The following ARHGAP31 variants were observed in gnomAD, a reference collection of about 807,000 sequenced individuals.
The protein encoded by ARHGAP31 is rho GTPase-activating protein 31.
ARHGAP31 carries 34 observed loss-of-function variants against 113.9 expected under a neutral mutation model. The ratio of observed to expected loss-of-function variants is 0.30; its 90% CI spans 0.23 to 0.40. ARHGAP31 has a LOEUF of 0.40. Ranked by LOEUF, ARHGAP31 falls within the 10% of genes least tolerant of loss-of-function variation. The probability of loss-of-function intolerance (pLI) is 1.00; values close to 1 mark genes in which losing one functional copy is unlikely to be tolerated. For synonymous variants in ARHGAP31, 650 were observed against 684.8 expected, an observed-to-expected ratio of 0.95 and a Z score of 0.79; for missense variants, 1,548 against 1,767.1, an observed-to-expected ratio of 0.88 and a Z score of 2.22.
At chr3:119,375,688 A>G (rs985857523) in intron 3 of ARHGAP31, among the ~76,000 whole-genome samples, 1 of 152,228 alleles carries the variant, frequency 6.6e-6, no homozygotes, top group African/African-American at 2.4e-5. Flanking sequence ...AGCTAAAACT[A>G]TTACACCCAA....
chr3:119,408,923 CATAATT>C (rs1292402685), intron 10 of ARHGAP31, among the ~76,000 whole-genome samples: 20 of 152,118 alleles, frequency 1.3e-4, no homozygotes, highest in Non-Finnish European at 2.9e-5. Flanking sequence ...AGCTGTTAAT[CATAATT>C]ATAAGAAGCA....
chr3:119,332,633 T>TCACACACA (rs1430812568), intron 1 of ARHGAP31, among the ~76,000 whole-genome samples: 1 of 61,548 alleles, frequency 1.6e-5, no homozygotes, highest in Non-Finnish European at 3.6e-5. Context: ...TCTCTCTCTC[T>TCACACACA]CTCACACACA....
intron 5 of ARHGAP31, 82 bp downstream of exon 5, chr3:119,382,481 A>T: frequency 2.2e-6 from 3 of 1,346,794 alleles, no homozygotes; most frequent in Non-Finnish European, 3.1e-6. Context: ...GATTCTTCAA[A>T]TTGAAGCCCC....
chr3:119,387,520 G>A (rs1408775138), intron 6 of ARHGAP31, among the ~76,000 whole-genome samples: 1 of 152,038 alleles, frequency 6.6e-6, no homozygotes, highest in African/African-American at 2.4e-5. Flanking sequence ...TCTTGCCTCG[G>A]TGCCTGGGTG....
chr3:119,360,178 TC>T (rs2080193607), intron 1 of ARHGAP31, among the ~76,000 whole-genome samples: 1 of 152,210 alleles, frequency 6.6e-6, no homozygotes, highest in Non-Finnish European at 1.5e-5. Flanking sequence ...TAGTCTGGCT[TC>T]TATCACCCAG....
rs202118332 is a variant in ARHGAP31 at position 119,383,220 on chromosome 3, A to C, written c.676A>C (p.Asn226His). Residue 226 changes from asparagine (N) to histidine (H), a missense_variant, in exon 6 of 12, where the codon AAT becomes CAT. Asn to His is a moderately conservative substitution (Grantham distance 68). Coordinates refer to ENST00000264245, the MANE Select transcript of ARHGAP31 (RefSeq NM_020754.4). Reference protein sequence around the residue: ...FNNGAPGSLENDENRPIMKSL... With the variant: ...FNNGAPGSLEHDENRPIMKSL... Reference sequence around the variant, plus strand: ...CAACGGTGCACCTGGGTCTCTGGAGAATGATGGTAAGGACTCCTCCTAGCA... The same window carrying C: ...CAACGGTGCACCTGGGTCTCTGGAGCATGATGGTAAGGACTCCTCCTAGCA... 1.2e-6 allele frequency: 2 copies of C among 1,614,100 alleles called. No homozygotes were observed. The highest frequency in any genetic ancestry group is 1.1e-5 in the South Asian group (1 of 91,074).
At position 119,396,221 on chromosome 3, in the gene ARHGAP31, C is replaced by T. The variant is rs78898427; in HGVS notation, c.1006+2630C>T. Reference sequence around the variant, plus strand: ...AACTCACAGGCCAGGGCTTCTCACACCTGGACCTCAGAATCGCCCACAGAG... The same window carrying T: ...AACTCACAGGCCAGGGCTTCTCACATCTGGACCTCAGAATCGCCCACAGAG... On this transcript the variant is annotated intron_variant, in intron 8 of 11. Coordinates refer to ENST00000264245, the MANE Select transcript of ARHGAP31 (RefSeq NM_020754.4). Among the ~76,000 whole-genome samples the T allele has an allele frequency of 2.2e-3, 330 of 152,344 alleles. 5 individuals are homozygous for T. The highest frequency in any genetic ancestry group is 5.2e-3 in the Admixed American group (79 of 15,312).
At chr3:119,408,920 A>T (rs1362610379) in intron 10 of ARHGAP31, among the ~76,000 whole-genome samples, 1 of 152,190 alleles carries the variant, frequency 6.6e-6, no homozygotes, top group Non-Finnish European at 1.5e-5. Context: ...GGAAGCTGTT[A>T]ATCATAATTA....
intron 9 of ARHGAP31, 69 bp from the exon 10 acceptor site, chr3:119,401,753 C>A: frequency 6.9e-7 from 1 of 1,452,392 alleles, no homozygotes; most frequent in Non-Finnish European, 9.6e-7. Flanking sequence ...GTGTGCCTGC[C>A]CTTACTGGAA....
intron 1 of ARHGAP31, 108 bp downstream of exon 1, chr3:119,295,112 G>A: frequency 9.7e-7 from 1 of 1,033,802 alleles, no homozygotes; most frequent in Non-Finnish European, 1.5e-6. Flanking sequence ...ATGTATTCCA[G>A]GCCTGTGCGC....
At chr3:119,358,911 T>A (rs995673292) in intron 1 of ARHGAP31, among the ~76,000 whole-genome samples, 2 of 152,194 alleles carry the variant, frequency 1.3e-5, no homozygotes, top group African/African-American at 4.8e-5. Flanking sequence ...CTGGAATTAA[T>A]GTGATGATTG....
At chr3:119,321,304 ATATG>A (rs1282241093) in intron 1 of ARHGAP31, among the ~76,000 whole-genome samples, 2 of 147,272 alleles carry the variant, frequency 1.4e-5, no homozygotes, top group African/African-American at 2.5e-5. Context: ...TAGTATATAT[ATATG>A]TATTATGTAT....
intron 3 of ARHGAP31, among the ~76,000 whole-genome samples, chr3:119,376,777 G>C (rs535686090): frequency 6.6e-6 from 1 of 151,026 alleles, no homozygotes; most frequent in Admixed American, 6.6e-5. Flanking sequence ...AAAAAAGGCA[G>C]TGTCACTTAG....
In ARHGAP31 at chr3:119,402,249, C is replaced by T. The variant is rs752447673; in HGVS notation, c.1497C>T (p.Ser499=). The T allele has an allele frequency of 3.1e-6, 5 of 1,614,258 alleles. No homozygotes were observed. Among genetic ancestry groups the T allele is most frequent in the South Asian group, 1.1e-5 (1 of 91,088 alleles). The change falls in exon 10 of 12, where the codon TCC becomes TCT. Residue 499 remains serine (S), a synonymous_variant. Coordinates refer to ENST00000264245, the MANE Select transcript of ARHGAP31 (RefSeq NM_020754.4). ...PFAVSVPLRV[S]AVISTNSTPC... ...CGGTATCTGTGCCGCTCCGCGTGTC[C>T]GCAGTCATCAGCACCAACAGCACGC...
Position 119,353,587 on chromosome 3 carries a change from G to A in ARHGAP31, c.101-11729G>A, listed in dbSNP as rs137922331. On this transcript the variant is annotated intron_variant, in intron 1 of 11. Transcript: ENST00000264245. Reference sequence around the variant, plus strand: ...TGGGAGGCCAAGGCGGGTGGATCACGAGATCAGGAGTTCAAGACCAGCCTG... The same window carrying A: ...TGGGAGGCCAAGGCGGGTGGATCACAAGATCAGGAGTTCAAGACCAGCCTG... Among the ~76,000 whole-genome samples the A allele has an allele frequency of 2.5e-3, 374 of 152,206 alleles. 2 individuals are homozygous for A. Among genetic ancestry groups the A allele is most frequent in the South Asian group, 2.9e-3 (14 of 4,824 alleles).
rs1405927927 is a variant in ARHGAP31 at position 119,294,660 on chromosome 3, C to T, written c.-245C>T. 3.5e-6 allele frequency: 2 copies of T among 563,832 alleles called. No homozygotes were observed. Among genetic ancestry groups the T allele is most frequent in the South Asian group, 2.2e-5 (1 of 44,656 alleles). The allele number at this position is 563,832 out of a possible 1,614,324, so 34.9% of individuals were successfully genotyped here. On this transcript the variant is annotated 5_prime_UTR_variant, in exon 1 of 12. Coordinates refer to ENST00000264245, the MANE Select transcript of ARHGAP31 (RefSeq NM_020754.4). ...AGTGACACTCCCAGGCGAGCCGGCC[C>T]GCGGCTGCCAGTCTGCACGGCCTCG... is the stretch of plus-strand genomic sequence containing the variant.
Position 119,409,776 on chromosome 3 carries a change from G to A in ARHGAP31, c.1926G>A (p.Met642Ile). 6.3e-7 allele frequency: 1 copy of A among 1,599,548 alleles called. No homozygotes were observed. Among genetic ancestry groups the A allele is most frequent in the Non-Finnish European group, 8.5e-7 (1 of 1,173,604 alleles). The change falls in exon 11 of 12, where the codon ATG becomes ATA. Residue 642 changes from methionine to isoleucine, a missense_variant and splice_region_variant. Coordinates refer to ENST00000264245, the MANE Select transcript of ARHGAP31 (RefSeq NM_020754.4). ...CCGAAGCTGTGCTTCTCCATGAGAT[G>A]GTAAAGTGCATTCTCCACCTGCTCC... is the stretch of plus-strand genomic sequence containing the variant. ...ARAEAVLLHE[M>I]DEDDLANALI...
intron 1 of ARHGAP31, among the ~76,000 whole-genome samples, chr3:119,308,894 G>A (rs1293413802): frequency 6.6e-6 from 1 of 152,124 alleles, no homozygotes; most frequent in African/African-American, 2.4e-5. Flanking sequence ...AGGCTGGAGT[G>A]CAGTGGTACA....
chr3:119,301,653 T>A (rs372454123), intron 1 of ARHGAP31, among the ~76,000 whole-genome samples: 1,507 of 150,236 alleles, frequency 0.01, 18 homozygotes, highest in African/African-American at 0.034. Flanking sequence ...TGTTTTTTTT[T>A]ACCAGGAATC....
Sources: gnomAD v4.1 joint callset for allele counts (sites outside exome capture counted in the v4.1 genomes callset) on GRCh38, gnomAD v4.1.1 for gene constraint, MANE v1.5 for transcripts, NCBI Gene and HGNC (gene_info 2026-07-23, HGNC 2026-07-21) for gene names.